Variants in UGGT1 observed in about 807,000 individuals in gnomAD.
UGGT1 encodes the protein UDP-glucose:glycoprotein glucosyltransferase 1.
In UGGT1, 107 loss-of-function variants were observed where a neutral mutation model predicts 203.9. The observed-to-expected ratio is 0.52, with a 90% CI of 0.45 to 0.62. The LOEUF (loss-of-function observed/expected upper bound fraction) is 0.62, where lower values mean the gene tolerates loss of function less well. UGGT1 is among the 20% of genes least tolerant of loss of function. The pLI, the probability that UGGT1 is intolerant of heterozygous loss-of-function variation, is 0.00. For missense variants in UGGT1, 1,673 were observed against 1,867.2 expected (o/e 0.90, Z 1.92); for synonymous variants, 628 against 653.5 (o/e 0.96, Z 0.59).
At position 128,097,506 on chromosome 2, in the gene UGGT1, G is replaced by T. The variant is rs780490701; in HGVS notation, c.136G>T (p.Ala46Ser). 1 of 1,614,164 alleles carries T rather than the reference G, an allele frequency of 6.2e-7. No individual in the cohort carries two copies. The highest frequency in any genetic ancestry group is 1.1e-5 in the South Asian group (1 of 91,082). The change falls in exon 2 of 41, where the codon GCC (alanine) becomes TCC (serine). Residue 46 changes from alanine (A) to serine (S), a missense_variant. Ala to Ser is a moderately conservative substitution (Grantham distance 99). Transcript: ENST00000259253. ...LFSSVKADSK[A>S]ITTSLTTKWF... Reference sequence around the variant, plus strand: ...CTCCTCAGTAAAGGCCGACTCAAAAGCCATTACAACCTCTCTTACAACAAA... The same window carrying T: ...CTCCTCAGTAAAGGCCGACTCAAAATCCATTACAACCTCTCTTACAACAAA...
chr2:128,184,375 T>G (rs1347484844), intron 38 of UGGT1, among the ~76,000 whole-genome samples: 1 of 152,218 alleles, frequency 6.6e-6, no homozygotes, highest in Non-Finnish European at 1.5e-5. Context: ...AAACCTTTAT[T>G]GTGATATGTA....
rs1687765053 is a variant in UGGT1 at position 128,109,730 on chromosome 2, C to G, written c.505C>G (p.Leu169Val). The G allele has an allele frequency of 6.2e-7, 1 of 1,612,972 alleles. No homozygotes were observed. The highest frequency in any genetic ancestry group is 8.5e-7 in the Non-Finnish European group (1 of 1,179,076). The change falls in exon 5 of 41, where the codon CTG (leucine) becomes GTG (valine). Residue 169 changes from leucine (L) to valine (V), a missense_variant. By Grantham distance (32) the Leu-to-Val change is conservative (BLOSUM62 1). Coordinates refer to ENST00000259253, the MANE Select transcript of UGGT1 (RefSeq NM_020120.4). ...ATCTGATACCCTTGAGGCTCTTCTA[C>G]TGACAGCCTCTGAAAGGTAGATTAT... is the stretch of plus-strand genomic sequence containing the variant. ...CESDTLEALL[L>V]TASERPKPLL...
At position 128,190,069 on chromosome 2, in the gene UGGT1, A is replaced by G. The variant is rs1353991917; in HGVS notation, c.*327A>G. 1 of 241,202 alleles carries G rather than the reference A, an allele frequency of 4.1e-6. No homozygotes were observed. 14.9% of individuals were successfully genotyped at this position (241,202 alleles called of 1,614,324 possible). ...TTGGTGCCCACACCCAAGAGCACAC[A>G]CATGCTGCACTGTCTCGGAAAGCAG... On this transcript the variant is annotated 3_prime_UTR_variant, in exon 41 of 41. Coordinates refer to ENST00000259253, the MANE Select transcript of UGGT1 (RefSeq NM_020120.4).
chr2:128,153,846 A>G (rs1374240712), intron 19 of UGGT1, among the ~76,000 whole-genome samples: 1 of 152,196 alleles, frequency 6.6e-6, no homozygotes, highest in African/African-American at 2.4e-5. Context: ...TCTTCAGCAA[A>G]CACCTGGAAA....
intron 31 of UGGT1, 114 bp downstream of exon 31, chr2:128,174,972 T>C (rs1367064908): frequency 2.4e-6 from 2 of 837,084 alleles, no homozygotes; most frequent in Non-Finnish European, 3.7e-6. Flanking sequence ...TTTGCAGTTG[T>C]ATGTGATGAA....
Position 128,160,357 on chromosome 2 carries a change from C to G in UGGT1, c.2563-103C>G, listed in dbSNP as rs1690464199. The G allele has an allele frequency of 7.1e-6, 9 of 1,269,664 alleles. No individual in the cohort carries two copies. In the East Asian group the frequency reaches 2.3e-4, roughly 33 times the overall value. The allele number at this position is 1,269,664 out of a possible 1,614,324, so 78.6% of individuals were successfully genotyped here. ...TGTTAATTATGAAAATTAGTTATTA[C>G]TTTCCAGGGAAAGAAATTTTTATGG... On this transcript the variant is annotated intron_variant, in intron 23 of 40. Coordinates refer to ENST00000259253, the MANE Select transcript of UGGT1 (RefSeq NM_020120.4).
chr2:128,094,985 G>T (rs1463340740), intron 1 of UGGT1, among the ~76,000 whole-genome samples: 1 of 151,992 alleles, frequency 6.6e-6, no homozygotes, highest in Non-Finnish European at 1.5e-5. Flanking sequence ...CTGACCTCAG[G>T]TGATCCACCC....
chr2:128,142,977 C>CAA (rs982571530), intron 16 of UGGT1, 117 bp from the exon 17 acceptor site: 1,733 of 865,910 alleles, frequency 2.0e-3, no homozygotes, highest in Middle Eastern at 3.2e-3. Context: ...AACTCCGTCT[C>CAA]AAAAAAAAAA....
At chr2:128,107,871 A>C in intron 3 of UGGT1, 67 bp from the exon 4 acceptor site, 1 of 1,599,928 alleles carries the variant, frequency 6.3e-7, no homozygotes, top group Non-Finnish European at 8.5e-7. Flanking sequence ...TTTGTGCTTC[A>C]TGAACTATCT....
intron 26 of UGGT1, among the ~76,000 whole-genome samples, chr2:128,169,811 T>G (rs553496001): frequency 6.6e-6 from 1 of 152,258 alleles, no homozygotes; most frequent in South Asian, 2.1e-4. Flanking sequence ...AACTAATGTT[T>G]ATACAGGCAT....
At chr2:128,128,540 C>G (rs753060111) in intron 12 of UGGT1, among the ~76,000 whole-genome samples, 4 of 152,098 alleles carry the variant, frequency 2.6e-5, no homozygotes, top group Non-Finnish European at 4.4e-5. Flanking sequence ...TCTCGAACTA[C>G]TGACCTTGTG....
At chr2:128,148,398 C>T (rs1689793940) in intron 18 of UGGT1, among the ~76,000 whole-genome samples, 1 of 152,182 alleles carries the variant, frequency 6.6e-6, no homozygotes, top group African/African-American at 2.4e-5. Context: ...TCCTTAACAT[C>T]TGTATTCTTT....
At chr2:128,132,058 T>C (rs1688905333) in intron 13 of UGGT1, among the ~76,000 whole-genome samples, 1 of 152,244 alleles carries the variant, frequency 6.6e-6, no homozygotes, top group Non-Finnish European at 1.5e-5. Context: ...TTCCTATTCT[T>C]GGTCTTGACA....
intron 5 of UGGT1, among the ~76,000 whole-genome samples, chr2:128,112,668 G>C (rs1185942639): frequency 6.8e-6 from 1 of 148,132 alleles, no homozygotes; most frequent in Non-Finnish European, 1.5e-5. Flanking sequence ...CTGCACCCTC[G>C]ACCTCTGGGG....
At chr2:128,142,595 A>G (rs1466490492) in intron 16 of UGGT1, among the ~76,000 whole-genome samples, 1 of 151,256 alleles carries the variant, frequency 6.6e-6, no homozygotes, top group African/African-American at 2.4e-5. Context: ...AAAAAAAAAA[A>G]AAAAAAGAAT....
intron 17 of UGGT1, 23 bp from the exon 18 acceptor site, chr2:128,145,778 GTT>G: frequency 6.5e-7 from 1 of 1,535,918 alleles, no homozygotes; most frequent in Admixed American, 2.1e-5. Flanking sequence ...AAAATATACT[GTT>G]TTTGTGGTTA....
chr2:128,181,179 A>G, intron 36 of UGGT1, 107 bp downstream of exon 36: 1 of 1,113,346 alleles, frequency 9.0e-7, no homozygotes, highest in Non-Finnish European at 1.3e-6. Flanking sequence ...CTTATTTTAC[A>G]TTTAGAAAAT....
In UGGT1 at chr2:128,195,094, C is replaced by T. The variant is rs1035085246; in HGVS notation, c.*5352C>T. 1 of 152,240 alleles carries T rather than the reference C, an allele frequency of 6.6e-6. No individual in the cohort carries two copies. The highest frequency in any genetic ancestry group is 6.5e-5 in the Admixed American group (1 of 15,286). 9.4% of individuals were successfully genotyped at this position (152,240 alleles called of 1,614,324 possible). ...TTTGCAAGCGCCGGGCGTGGTGGCT[C>T]ACGCCTGTAATCCTAGCACCTTGGG... On this transcript the variant is annotated 3_prime_UTR_variant, in exon 41 of 41. Coordinates refer to ENST00000259253, the MANE Select transcript of UGGT1 (RefSeq NM_020120.4).
chr2:128,153,514 T>G (rs1573582355), intron 19 of UGGT1, among the ~76,000 whole-genome samples: 1 of 152,296 alleles, frequency 6.6e-6, no homozygotes, highest in South Asian at 2.1e-4. Flanking sequence ...GTAGTCACTC[T>G]CTGTTCCTCC....
Sources: allele counts gnomAD v4.1 joint callset (sites outside exome capture counted in the v4.1 genomes callset), GRCh38; gene constraint gnomAD v4.1.1; transcripts MANE v1.5; gene names NCBI Gene and HGNC (gene_info 2026-07-23, HGNC 2026-07-21).